The following QPCTL variants were observed in gnomAD, a reference collection of about 807,000 sequenced individuals.
QPCTL encodes the protein glutaminyl-peptide cyclotransferase like, also known as glutaminyl-peptide cyclotransferase-like protein.
In QPCTL, 31 loss-of-function variants were observed where a neutral mutation model predicts 34.6. The observed-to-expected ratio is 0.90, with a 90% CI of 0.67 to 1.21. The LOEUF is 1.21. Ranked by LOEUF, QPCTL falls within the 50% of genes most tolerant of loss-of-function variation. QPCTL has a pLI of 0.00. For synonymous variants in QPCTL, 223 were observed against 226.9 expected (o/e 0.98, Z 0.15); for missense variants, 474 against 507.8 (o/e 0.93, Z 0.64).
In QPCTL at chr19:45,703,121, A is replaced by G; in HGVS notation, c.*72A>G. 3 of 1,579,134 alleles carry G rather than the reference A, an allele frequency of 1.9e-6. No individual in the cohort carries two copies. Among genetic ancestry groups the G allele is most frequent in the Non-Finnish European group, 2.6e-6 (3 of 1,150,960 alleles). On this transcript the variant is annotated 3_prime_UTR_variant, in exon 7 of 7. Coordinates refer to ENST00000012049, the MANE Select transcript of QPCTL (RefSeq NM_017659.4). Reference sequence around the variant, plus strand: ...CAGCGGGGGCCAGTGAAGCTCAGGCAGGATCTGCCTAGGGTGTGCTGGTTT... The same window carrying G: ...CAGCGGGGGCCAGTGAAGCTCAGGCGGGATCTGCCTAGGGTGTGCTGGTTT...
chr19:45,698,640 C>G lies in QPCTL; in HGVS notation c.727C>G (p.Leu243Val). 2 of 1,614,160 alleles carry G rather than the reference C, an allele frequency of 1.2e-6. No homozygotes were observed. The highest frequency in any genetic ancestry group is 1.1e-5 in the South Asian group (1 of 91,088). The change falls in exon 4 of 7, where the codon CTG becomes GTG. Residue 243 changes from leucine to valine, a missense_variant. Physicochemically the swap from Leu to Val is conservative, Grantham distance 32. Coordinates refer to ENST00000012049, the MANE Select transcript of QPCTL (RefSeq NM_017659.4). Reference sequence around the variant, plus strand: ...GGACTCCCTTTACGGTTCCCGGCACCTGGCCCAGCTCATGGAGTCTATACC... The same window carrying G: ...GGACTCCCTTTACGGTTCCCGGCACGTGGCCCAGCTCATGGAGTCTATACC... ...PKDSLYGSRH[L>V]AQLMESIPHS... is the part of the protein sequence containing the mutation.
intron 6 of QPCTL, 22 bp from the exon 7 acceptor site, chr19:45,702,882 A>G: frequency 6.2e-7 from 1 of 1,613,800 alleles, no homozygotes; most frequent in Non-Finnish European, 8.5e-7. Context: ...TGGACCTGAC[A>G]AAGTCTCCTC....
chr19:45,697,756 C>T (rs1449352209), intron 3 of QPCTL, among the ~76,000 whole-genome samples: 1 of 152,208 alleles, frequency 6.6e-6, no homozygotes, highest in Admixed American at 6.6e-5. Context: ...AGCCTCCTTC[C>T]TATGCCCTCT....
In QPCTL at chr19:45,698,831, G is replaced by A. The variant is rs533615758; in HGVS notation, c.817G>A (p.Ala273Thr). The change falls in exon 5 of 7, where the codon GCC (alanine) becomes ACC (threonine). Residue 273 changes from alanine (A) to threonine (T), a missense_variant. Transcript: ENST00000012049. ...ELFMLLDLLG[A>T]PNPTFYSHFP... The stretch of plus-strand genomic sequence containing the variant: ...CTTTATGCTTCTTGATCTCCTGGGA[G>A]CCCCCAATCCCACCTTCTACAGCCA... 1 of 1,613,956 alleles carries A rather than the reference G, an allele frequency of 6.2e-7. No homozygotes were observed. The highest frequency in any genetic ancestry group is 1.3e-5 in the African/African-American group (1 of 74,990).
chr19:45,700,957 CAAAA>C (rs773396546), intron 5 of QPCTL, among the ~76,000 whole-genome samples: 1 of 46,774 alleles, frequency 2.1e-5, no homozygotes, highest in Non-Finnish European at 4.6e-5. Flanking sequence ...GACTCTGTCT[CAAAA>C]AAAAAAAAAA....
intron 5 of QPCTL, 47 bp from the exon 6 acceptor site, chr19:45,701,751 C>A: frequency 6.9e-7 from 1 of 1,444,802 alleles, no homozygotes. Context: ...TGGGGACCTT[C>A]GACTACTAAG....
chr19:45,701,769 C>G, intron 5 of QPCTL, 29 bp from the exon 6 acceptor site: 1 of 1,557,614 alleles, frequency 6.4e-7, no homozygotes, highest in Non-Finnish European at 8.8e-7. Context: ...AAGGACTAAC[C>G]CTTCCTCTCT....
chr19:45,701,974 G>A, intron 6 of QPCTL, 60 bp downstream of exon 6: 1 of 1,386,316 alleles, frequency 7.2e-7, no homozygotes, highest in Non-Finnish European at 1.0e-6. Flanking sequence ...ATTGGAACTG[G>A]CCAAGTCCCC....
chr19:45,702,854 G>T, intron 6 of QPCTL, 50 bp from the exon 7 acceptor site: 2 of 1,611,530 alleles, frequency 1.2e-6, no homozygotes, highest in Non-Finnish European at 1.7e-6. Flanking sequence ...TGGGCTCCTG[G>T]GTTGTGGTGG....
At chr19:45,697,951 G>A (rs527682956) in intron 3 of QPCTL, among the ~76,000 whole-genome samples, 37 of 152,242 alleles carry the variant, frequency 2.4e-4, no homozygotes, top group Middle Eastern at 6.8e-3. Flanking sequence ...CCTTTGAAAA[G>A]AACTGTTATT....
At chr19:45,702,779 G>C in intron 6 of QPCTL, 125 bp from the exon 7 acceptor site, 1 of 988,828 alleles carries the variant, frequency 1.0e-6, no homozygotes, top group Non-Finnish European at 1.5e-6. Flanking sequence ...AAAAAAAAAA[G>C]TGCCAGAACA....
chr19:45,703,817 G>A lies in QPCTL; in HGVS notation c.*768G>A, dbSNP rs184031930. On this transcript the variant is annotated 3_prime_UTR_variant, in exon 7 of 7. Transcript: ENST00000012049. ...AAAATACAATAATTAGCTGGGCATG[G>A]TGGTGGGCGCCTGTAATCTCAGCTG... 4 of 152,134 alleles carry A rather than the reference G, an allele frequency of 2.6e-5. No homozygotes were observed. The highest frequency in any genetic ancestry group is 2.0e-4 in the Admixed American group (3 of 15,252). 9.4% of individuals were successfully genotyped at this position (152,134 alleles called of 1,614,324 possible).
At position 45,702,943 on chromosome 19, in the gene QPCTL, C is replaced by G; in HGVS notation, c.1043C>G (p.Ala348Gly). The G allele has an allele frequency of 6.2e-7, 1 of 1,614,106 alleles. No individual in the cohort carries two copies. The highest frequency in any genetic ancestry group is 8.5e-7 in the Non-Finnish European group (1 of 1,180,018). The change falls in exon 7 of 7, where the codon GCT becomes GGT. Residue 348 changes from alanine to glycine, a missense_variant. Coordinates refer to ENST00000012049, the MANE Select transcript of QPCTL (RefSeq NM_017659.4). ...CATCTCATCTCCACGCCCTTCCCTG[C>G]TGTCTGGCACACCCCTGCGGACACC... is the stretch of plus-strand genomic sequence containing the variant. ...VLHLISTPFP[A>G]VWHTPADTEV...
chr19:45,702,222 G>T (rs542101360), intron 6 of QPCTL, among the ~76,000 whole-genome samples: 2 of 151,736 alleles, frequency 1.3e-5, no homozygotes, highest in Non-Finnish European at 2.9e-5. Flanking sequence ...GAGGCTGAGC[G>T]GGGTGGCGGG....
intron 3 of QPCTL, 170 bp from the exon 4 acceptor site, chr19:45,698,377 A>G (rs1303113529): frequency 5.1e-6 from 4 of 782,156 alleles, no homozygotes; most frequent in Non-Finnish European, 7.9e-6. Context: ...CCAAGTACGG[A>G]TTTGATCCCA....
rs746122462 is a variant in QPCTL at position 45,698,819 on chromosome 19, G to A, written c.805G>A (p.Asp269Asn). The change falls in exon 5 of 7, where the codon GAT becomes AAT. Residue 269 changes from aspartate (D) to asparagine (N), a missense_variant. Asp to Asn is a conservative substitution (Grantham distance 23, BLOSUM62 1). Transcript: ENST00000012049. ...IQAIELFMLL[D>N]LLGAPNPTFY... Reference sequence around the variant, plus strand: ...TCCTTAGGAGCTCTTTATGCTTCTTGATCTCCTGGGAGCCCCCAATCCCAC... The same window carrying A: ...TCCTTAGGAGCTCTTTATGCTTCTTAATCTCCTGGGAGCCCCCAATCCCAC... 6.2e-7 allele frequency: 1 copy of A among 1,614,050 alleles called. No individual in the cohort carries two copies. Among genetic ancestry groups the A allele is most frequent in the Non-Finnish European group, 8.5e-7 (1 of 1,179,958 alleles).
At chr19:45,700,658 A>G (rs11673709) in intron 5 of QPCTL, among the ~76,000 whole-genome samples, 3 of 151,710 alleles carry the variant, frequency 2.0e-5, no homozygotes, top group African/African-American at 7.3e-5. Flanking sequence ...TCAGTTTCCT[A>G]TCTGTAAAAC....
intron 6 of QPCTL, 26 bp downstream of exon 6, chr19:45,701,940 G>C: frequency 6.3e-7 from 1 of 1,578,928 alleles, no homozygotes; most frequent in Non-Finnish European, 8.7e-7. Context: ...AGGGATGGAG[G>C]GTGGGTGTCC....
At chr19:45,700,539 A>G (rs946400671) in intron 5 of QPCTL, among the ~76,000 whole-genome samples, 5 of 152,178 alleles carry the variant, frequency 3.3e-5, no homozygotes, top group African/African-American at 1.2e-4. Context: ...CTAAGGAACT[A>G]GAGATTAGTA....
Sources: allele counts gnomAD v4.1 joint callset (sites outside exome capture counted in the v4.1 genomes callset), GRCh38; gene constraint gnomAD v4.1.1; transcripts MANE v1.5; gene names NCBI Gene and HGNC (gene_info 2026-07-23, HGNC 2026-07-21).